The following FOXO1 variants were observed in gnomAD, a reference collection of about 807,000 sequenced individuals.
The protein encoded by FOXO1 is forkhead box protein O1.
In FOXO1, 6 loss-of-function variants were observed where a neutral mutation model predicts 44.1. The ratio of observed to expected loss-of-function variants is 0.14; its 90% CI spans 0.07 to 0.27. The LOEUF (loss-of-function observed/expected upper bound fraction) is 0.27. FOXO1 is among the 10% of genes least tolerant of loss of function. FOXO1 has a pLI of 1.00. For missense variants in FOXO1, 737 were observed against 888.8 expected (o/e 0.83, Z 2.17); for synonymous variants, 380 against 362.7 (o/e 1.05, Z -0.54).
intron 1 of FOXO1, among the ~76,000 whole-genome samples, chr13:40,593,818 T>C (rs1182284697): frequency 6.6e-6 from 1 of 152,208 alleles, no homozygotes; most frequent in Non-Finnish European, 1.5e-5. Flanking sequence ...TAAATAGATA[T>C]TTCATTGGCT....
rs545657917 is a variant in FOXO1 at position 40,570,321 on chromosome 13, T to A, written c.631-9461A>T. Among the ~76,000 whole-genome samples the A allele has an allele frequency of 4.4e-3, 654 of 148,974 alleles. 3 individuals are homozygous for A. The highest frequency in any genetic ancestry group is 8.0e-3 in the Non-Finnish European group (539 of 66,986). ...AAGACTCTGTCTCCAAAAAAAAAAA[T>A]AAAATAAAATAAAAAAAAGACCCCT... is the stretch of plus-strand genomic sequence containing the variant. On this transcript the variant is annotated intron_variant, in intron 1 of 2. Coordinates refer to ENST00000379561, the MANE Select transcript of FOXO1 (RefSeq NM_002015.4).
chr13:40,582,629 G>A (rs1875000871), intron 1 of FOXO1, among the ~76,000 whole-genome samples: 1 of 152,200 alleles, frequency 6.6e-6, no homozygotes, highest in African/African-American at 2.4e-5. Flanking sequence ...TCCATCTCAA[G>A]AAACCACTCT....
intron 1 of FOXO1, among the ~76,000 whole-genome samples, chr13:40,617,376 C>T (rs562613026): frequency 6.6e-6 from 1 of 150,876 alleles, no homozygotes; most frequent in East Asian, 1.9e-4. Flanking sequence ...ACCCAGGAGG[C>T]GGAGGTTGTG....
At chr13:40,590,812 T>A (rs1488779204) in intron 1 of FOXO1, among the ~76,000 whole-genome samples, 2 of 152,152 alleles carry the variant, frequency 1.3e-5, no homozygotes, top group African/African-American at 4.8e-5. Context: ...ATTTAAACAT[T>A]TCACCTGGTA....
chr13:40,559,735 C>T lies in FOXO1; in HGVS notation c.1756G>A (p.Gly586Ser), dbSNP rs148727582. Residue 586 changes from glycine (G) to serine (S), a missense_variant, in exon 2 of 3, where the codon GGC becomes AGC. By Grantham distance (56) the Gly-to-Ser change is moderately conservative. Transcript: ENST00000379561. ...TGGAGAAGGCCCATTCTGCCATAGC[C>T]ATTGCAGCTGCTCACGGAGGAGTAG... ...GGYSSVSSCN[G>S]YGRMGLLHQE... 495 of 1,613,684 alleles carry T rather than the reference C, an allele frequency of 3.1e-4. 1 individual carries two copies. In the African/African-American group the frequency reaches 5.6e-3, roughly 18 times the overall value.
intron 1 of FOXO1, among the ~76,000 whole-genome samples, chr13:40,641,590 T>C (rs1877356262): frequency 1.3e-5 from 2 of 152,314 alleles, no homozygotes; most frequent in Admixed American, 6.5e-5. Context: ...GTATTTCCAG[T>C]TTCAAATTTA....
rs1873906558 is a variant in FOXO1 at position 40,559,798 on chromosome 13, G to A, written c.1693C>T (p.Pro565Ser). 4 of 1,613,816 alleles carry A rather than the reference G, an allele frequency of 2.5e-6. No individual in the cohort carries two copies. Among genetic ancestry groups the A allele is most frequent in the Admixed American group, 3.3e-5 (2 of 59,986 alleles). Reference protein sequence around the residue: ...LTQVKTPVQVPLPHPMQMSAL... With the variant: ...LTQVKTPVQVSLPHPMQMSAL... ...CTCATCTGCATGGGGTGGGGCAGAG[G>A]CACTTGTACAGGTGTCTTCACTTGG... Residue 565 changes from proline to serine, a missense_variant, in exon 2 of 3, where the codon CCT becomes TCT. By Grantham distance (74) the Pro-to-Ser change is moderately conservative (BLOSUM62 -1). This residue lies in a region of FOXO1 where 283 missense variants were observed against 278.1 expected (regional missense o/e 1.02). Transcript: ENST00000379561.
At chr13:40,599,296 A>G (rs4943795) in intron 1 of FOXO1, among the ~76,000 whole-genome samples, 58,692 of 151,834 alleles carry the variant, frequency 0.39, 12,184 homozygotes, top group East Asian at 0.75. Flanking sequence ...ACAATTCAGA[A>G]TGAGAGCGAC....
chr13:40,665,123 GC>G (rs1878181945), intron 1 of FOXO1, among the ~76,000 whole-genome samples: 1 of 151,496 alleles, frequency 6.6e-6, no homozygotes, highest in Non-Finnish European at 1.5e-5. Flanking sequence ...AGGCTCCGGG[GC>G]CCCTCGCCGC....
intron 1 of FOXO1, among the ~76,000 whole-genome samples, chr13:40,647,549 C>T (rs1308495748): frequency 6.6e-6 from 1 of 152,090 alleles, no homozygotes; most frequent in African/African-American, 2.4e-5. Flanking sequence ...GGATTACAGC[C>T]GTGCACCACC....
intron 1 of FOXO1, among the ~76,000 whole-genome samples, chr13:40,624,141 G>A (rs1225732410): frequency 6.6e-6 from 1 of 151,254 alleles, no homozygotes. Context: ...CTAATCTCTG[G>A]AGATAAACAA....
At chr13:40,587,235 C>T (rs192128755) in intron 1 of FOXO1, among the ~76,000 whole-genome samples, 1 of 150,180 alleles carries the variant, frequency 6.7e-6, no homozygotes, top group Admixed American at 6.6e-5. Context: ...CCTGCCTGAC[C>T]TCCTCTGCCT....
intron 1 of FOXO1, among the ~76,000 whole-genome samples, chr13:40,599,701 G>A (rs561466215): frequency 3.0e-4 from 45 of 152,290 alleles, no homozygotes; most frequent in African/African-American, 1.1e-3. Context: ...CAAAGGGAGG[G>A]AGTGCCCCTC....
chr13:40,610,187 C>A (rs1390186231), intron 1 of FOXO1, among the ~76,000 whole-genome samples: 1 of 152,094 alleles, frequency 6.6e-6, no homozygotes, highest in Non-Finnish European at 1.5e-5. Context: ...TAAGGACATC[C>A]GGGGTGCTTT....
intron 1 of FOXO1, among the ~76,000 whole-genome samples, chr13:40,604,953 C>T (rs190033680): frequency 3.9e-5 from 6 of 152,148 alleles, no homozygotes; most frequent in East Asian, 1.9e-4. Context: ...ATTTGTTAAA[C>T]GCTATAGAAA....
At chr13:40,626,437 C>T (rs1876787172) in intron 1 of FOXO1, among the ~76,000 whole-genome samples, 1 of 152,224 alleles carries the variant, frequency 6.6e-6, no homozygotes, top group African/African-American at 2.4e-5. Flanking sequence ...ATGCCCCACA[C>T]TGAAATGTTC....
chr13:40,643,009 A>C (rs1877399284), intron 1 of FOXO1, among the ~76,000 whole-genome samples: 1 of 152,124 alleles, frequency 6.6e-6, no homozygotes, highest in Non-Finnish European at 1.5e-5. Flanking sequence ...TTTCATTTCA[A>C]AATTGTTAAT....
chr13:40,614,169 G>GC (rs1876332425), intron 1 of FOXO1, among the ~76,000 whole-genome samples: 1 of 152,180 alleles, frequency 6.6e-6, no homozygotes, highest in Non-Finnish European at 1.5e-5. Context: ...GCAGTTCTGT[G>GC]CAAGTCCACC....
At chr13:40,562,884 A>G (rs987212981) in intron 1 of FOXO1, 1 of 152,668 alleles carries the variant, frequency 6.6e-6, no homozygotes, top group African/African-American at 2.4e-5. Context: ...GCTCCCCAGA[A>G]GGAAGGGCCT....
Sources: allele counts gnomAD v4.1 joint callset (sites outside exome capture counted in the v4.1 genomes callset), GRCh38; gene constraint gnomAD v4.1.1; regional missense constraint gnomAD v4.1.1; transcripts MANE v1.5; gene names NCBI Gene and HGNC (gene_info 2026-07-23, HGNC 2026-07-21).